DLGAP2: variants seen among roughly 807,000 people sequenced by gnomAD.
DLGAP2 encodes the protein disks large-associated protein 2.
In DLGAP2, 26 loss-of-function variants were observed where a neutral mutation model predicts 100.3. The ratio of observed to expected loss-of-function variants is 0.26; its 90% CI spans 0.19 to 0.36. The LOEUF is 0.36. Among genes scored for constraint, DLGAP2 ranks in the 10% least tolerant of loss-of-function variants. The pLI is 1.00. For synonymous variants in DLGAP2, 886 were observed against 630.1 expected, an observed-to-expected ratio of 1.41 and a Z score of -6.08; for missense variants, 1,858 against 1,453.2, an observed-to-expected ratio of 1.28 and a Z score of -4.53.
chr8:786,661 C>T (rs1031440843), intron 1 of DLGAP2, among the ~76,000 whole-genome samples: 1 of 151,848 alleles, frequency 6.6e-6, no homozygotes, highest in African/African-American at 2.4e-5. Context: ...CAGAGACCTC[C>T]GGGGAGGGGC....
At chr8:1,649,225 C>A (rs760100845) in intron 8 of DLGAP2, among the ~76,000 whole-genome samples, 50 of 151,932 alleles carry the variant, frequency 3.3e-4, no homozygotes, top group Non-Finnish European at 5.7e-4. Flanking sequence ...CCAGTAAATT[C>A]TTTTTGTTTC....
intron 1 of DLGAP2, among the ~76,000 whole-genome samples, chr8:803,537 C>T (rs1432027869): frequency 1.3e-5 from 2 of 152,024 alleles, no homozygotes; most frequent in Non-Finnish European, 2.9e-5. Flanking sequence ...TAGGAGCTGC[C>T]TCTGACGTTA....
At chr8:1,332,504 C>T (rs1229976900) in intron 3 of DLGAP2, among the ~76,000 whole-genome samples, 1 of 152,134 alleles carries the variant, frequency 6.6e-6, no homozygotes, top group Non-Finnish European at 1.5e-5. Flanking sequence ...TCTGTGTACT[C>T]ATATCTGCAC....
At position 1,122,150 on chromosome 8, in the gene DLGAP2, G is replaced by A. The variant is rs186073150; in HGVS notation, c.74-136701G>A. Among the ~76,000 whole-genome samples the A allele has an allele frequency of 3.3e-3, 505 of 152,268 alleles. 6 individuals are homozygous for A. Among genetic ancestry groups the A allele is most frequent in the African/African-American group, 0.01 (430 of 41,550 alleles). Reference sequence around the variant, plus strand: ...GTTACTACGGTTACCATCAGGTTCCGGTCTTGTTTATGGCTTTAGGGATCA... The same window carrying A: ...GTTACTACGGTTACCATCAGGTTCCAGTCTTGTTTATGGCTTTAGGGATCA... On this transcript the variant is annotated intron_variant, in intron 2 of 14. Transcript: ENST00000637795.
chr8:1,648,425 C>T (rs1798091434), intron 8 of DLGAP2, among the ~76,000 whole-genome samples: 3 of 152,182 alleles, frequency 2.0e-5, no homozygotes, highest in African/African-American at 7.2e-5. Context: ...AAGTTCCCAC[C>T]CCTCCTGCGT....
At chr8:1,679,810 C>G (rs1798900914) in intron 12 of DLGAP2, among the ~76,000 whole-genome samples, 1 of 151,970 alleles carries the variant, frequency 6.6e-6, no homozygotes, top group Non-Finnish European at 1.5e-5. Context: ...GGTAAAGCCC[C>G]ATATCTGCCA....
At chr8:1,001,239 G>A (rs1467404962) in intron 2 of DLGAP2, among the ~76,000 whole-genome samples, 1 of 152,180 alleles carries the variant, frequency 6.6e-6, no homozygotes. Flanking sequence ...ATCAGGACAG[G>A]GTTGTACTGC....
intron 2 of DLGAP2, among the ~76,000 whole-genome samples, chr8:1,254,435 C>T (rs142415172): frequency 0.012 from 1,806 of 152,258 alleles, 22 homozygotes; most frequent in South Asian, 0.063. Flanking sequence ...CATTTAGGAA[C>T]GTCTTGATTA....
intron 1 of DLGAP2, among the ~76,000 whole-genome samples, chr8:786,439 A>G (rs1462506750): frequency 1.3e-5 from 2 of 152,114 alleles, no homozygotes; most frequent in Non-Finnish European, 2.9e-5. Context: ...GGGAAGGGCC[A>G]GCAGAGAACT....
chr8:779,279 A>T (rs953035368), intron 1 of DLGAP2, among the ~76,000 whole-genome samples: 1 of 152,104 alleles, frequency 6.6e-6, no homozygotes, highest in Non-Finnish European at 1.5e-5. Context: ...CCTCAGATGG[A>T]AATGCAGAAA....
chr8:1,635,920 C>G (rs574594969), intron 8 of DLGAP2, among the ~76,000 whole-genome samples: 1 of 152,196 alleles, frequency 6.6e-6, no homozygotes, highest in Non-Finnish European at 1.5e-5. Context: ...AGCTGGTGAT[C>G]GAGCTGAGAC....
At chr8:1,098,018 C>G (rs557328444) in intron 2 of DLGAP2, among the ~76,000 whole-genome samples, 1 of 152,394 alleles carries the variant, frequency 6.6e-6, no homozygotes, top group South Asian at 2.1e-4. Flanking sequence ...TTCGACATTT[C>G]TGCCTCTTCT....
chr8:1,671,798 CACAG>C (rs902183302), intron 10 of DLGAP2, among the ~76,000 whole-genome samples: 7 of 152,156 alleles, frequency 4.6e-5, no homozygotes, highest in African/African-American at 1.7e-4. Context: ...CAGCAGGACT[CACAG>C]ACAGGTCTCA....
intron 2 of DLGAP2, among the ~76,000 whole-genome samples, chr8:1,187,485 A>C (rs1797533964): frequency 7.9e-6 from 1 of 126,560 alleles, no homozygotes; most frequent in African/African-American, 3.5e-5. Context: ...GCCTCACGGA[A>C]TCTCACACAC....
intron 4 of DLGAP2, among the ~76,000 whole-genome samples, chr8:1,505,944 G>C (rs1197470494): frequency 6.6e-6 from 1 of 152,156 alleles, no homozygotes; most frequent in Non-Finnish European, 1.5e-5. Flanking sequence ...ATTTTAAAAA[G>C]TTGGCAGATT....
chr8:967,779 G>GTA lies in DLGAP2; in HGVS notation c.73+59828_73+59829dup, dbSNP rs369439322. ...AACAAAGAGGTGTATATATATATATGTATATATATATATATACACCTCTTT... is the reference window on the plus strand; with the variant it reads ...AACAAAGAGGTGTATATATATATATGTATATATATATATATATACACCTCTTT... On this transcript the variant is annotated intron_variant, in intron 2 of 14. Transcript: ENST00000637795. 3.6e-3 allele frequency among the ~76,000 whole-genome samples: 64 copies of GTA among 17,866 alleles called. 4 individuals are homozygous for GTA. The highest frequency in any genetic ancestry group is 0.033 in the East Asian group (21 of 646). The allele number at this position is 17,866 out of a possible 152,430, so 11.7% of individuals were successfully genotyped here.
intron 4 of DLGAP2, among the ~76,000 whole-genome samples, chr8:1,533,240 T>C (rs1801041635): frequency 6.6e-6 from 1 of 152,150 alleles, no homozygotes; most frequent in Non-Finnish European, 1.5e-5. Flanking sequence ...GGCTCATGCC[T>C]GTAATTCCAG....
chr8:831,488 A>T (rs930031530), intron 1 of DLGAP2, among the ~76,000 whole-genome samples: 3 of 152,042 alleles, frequency 2.0e-5, no homozygotes, highest in African/African-American at 7.3e-5. Flanking sequence ...TCCTTGTGAT[A>T]GTTTGCTGAG....
intron 3 of DLGAP2, among the ~76,000 whole-genome samples, chr8:1,294,924 G>T (rs923851907): frequency 6.6e-6 from 1 of 151,436 alleles, no homozygotes; most frequent in Non-Finnish European, 1.5e-5. Flanking sequence ...TTATGTAGCA[G>T]TTGATGACTT....
Sources: allele counts gnomAD v4.1 joint callset (sites outside exome capture counted in the v4.1 genomes callset), GRCh38; gene constraint gnomAD v4.1.1; transcripts MANE v1.5; gene names NCBI Gene and HGNC (gene_info 2026-07-23, HGNC 2026-07-21).